The following TRDN variants were observed in gnomAD, a reference collection of about 807,000 sequenced individuals.
The protein encoded by TRDN is triadin, also known as triadin in skeletal muscle.
A neutral mutation model predicts 149.7 loss-of-function variants in TRDN; 161 were observed. The ratio of observed to expected loss-of-function variants is 1.08; its 90% CI spans 0.95 to 1.23. The LOEUF (loss-of-function observed/expected upper bound fraction) is 1.23. Among genes scored for constraint, TRDN ranks in the 50% most tolerant of loss-of-function variants. The probability of loss-of-function intolerance (pLI) is 0.00; values close to 1 mark genes in which losing one functional copy is unlikely to be tolerated. For synonymous variants in TRDN, 294 were observed against 250.5 expected, an observed-to-expected ratio of 1.17 and a Z score of -1.64; for missense variants, 896 against 823.5, an observed-to-expected ratio of 1.09 and a Z score of -1.08.
At chr6:123,604,895 AT>A (rs1784455297) in intron 1 of TRDN, among the ~76,000 whole-genome samples, 1 of 152,054 alleles carries the variant, frequency 6.6e-6, no homozygotes, top group Non-Finnish European at 1.5e-5. Context: ...GCTGGGGAAA[AT>A]TATGAATTTA....
intron 37 of TRDN, 30 bp downstream of exon 37, chr6:123,255,050 CA>C: frequency 8.3e-7 from 1 of 1,199,328 alleles, no homozygotes; most frequent in Non-Finnish European, 1.2e-6. Context: ...TGTTTTCATA[CA>C]AACATAGTAG....
intron 20 of TRDN, among the ~76,000 whole-genome samples, chr6:123,353,526 C>A (rs2114304107): frequency 6.6e-6 from 1 of 151,774 alleles, no homozygotes; most frequent in African/African-American, 2.4e-5. Flanking sequence ...CTTTCAGTTT[C>A]ATCAAATACA....
intron 9 of TRDN, among the ~76,000 whole-genome samples, chr6:123,491,913 A>G (rs989710103): frequency 2.6e-5 from 4 of 152,226 alleles, no homozygotes; most frequent in Non-Finnish European, 5.9e-5. Flanking sequence ...GAGCTCTGAA[A>G]TACATTAAAC....
At chr6:123,531,477 A>T (rs12213440) in intron 4 of TRDN, among the ~76,000 whole-genome samples, 49,295 of 151,872 alleles carry the variant, frequency 0.32, 8,267 homozygotes, top group Admixed American at 0.45. Context: ...AAGATCAACC[A>T]TGGCAACACC....
intron 9 of TRDN, among the ~76,000 whole-genome samples, chr6:123,493,274 A>T (rs1778300231): frequency 6.6e-6 from 1 of 152,156 alleles, no homozygotes; most frequent in Non-Finnish European, 1.5e-5. Context: ...AAATGAGCAG[A>T]TCTTTATAAT....
chr6:123,560,099 G>A (rs995692309), intron 2 of TRDN, among the ~76,000 whole-genome samples: 3 of 152,178 alleles, frequency 2.0e-5, no homozygotes, highest in African/African-American at 7.2e-5. Context: ...TACTGTTTTA[G>A]CCTAGCCCTT....
chr6:123,588,104 G>A (rs990469683), intron 1 of TRDN, among the ~76,000 whole-genome samples: 1 of 152,104 alleles, frequency 6.6e-6, no homozygotes. Flanking sequence ...CCCAAAAGGT[G>A]CTAGACTCTC....
At chr6:123,325,315 A>G (rs1448716069) in intron 23 of TRDN, among the ~76,000 whole-genome samples, 1 of 152,156 alleles carries the variant, frequency 6.6e-6, no homozygotes, top group Non-Finnish European at 1.5e-5. Context: ...GGGCAGAATT[A>G]AATCATGCTA....
chr6:123,221,562 T>G (rs1562216399), intron 39 of TRDN, 40 bp from the exon 40 acceptor site: 1 of 1,336,496 alleles, frequency 7.5e-7, no homozygotes, highest in East Asian at 2.5e-5. Context: ...ACTTGTACAT[T>G]TACAACTTTT....
At chr6:123,415,992 G>A (rs186373876) in intron 12 of TRDN, among the ~76,000 whole-genome samples, 2 of 152,176 alleles carry the variant, frequency 1.3e-5, no homozygotes, top group East Asian at 1.9e-4. Context: ...AATGTTTTTG[G>A]TTTTGCAAAT....
chr6:123,433,423 C>T (rs866868053), intron 12 of TRDN, among the ~76,000 whole-genome samples: 2 of 151,894 alleles, frequency 1.3e-5, no homozygotes, highest in Non-Finnish European at 2.9e-5. Flanking sequence ...AAACTGTAAG[C>T]TCCATTAGGG....
chr6:123,564,536 C>T (rs968318522), intron 2 of TRDN, among the ~76,000 whole-genome samples: 13 of 151,998 alleles, frequency 8.6e-5, no homozygotes, highest in African/African-American at 1.7e-4. Context: ...CTGGGCTAAG[C>T]GCCAAGAAAA....
At chr6:123,295,332 C>T (rs113629561) in intron 24 of TRDN, among the ~76,000 whole-genome samples, 100 of 152,292 alleles carry the variant, frequency 6.6e-4, no homozygotes, top group African/African-American at 2.4e-3. Context: ...TATGGACTAG[C>T]GCTGCTCTGC....
chr6:123,533,357 T>G (rs1312944853), intron 4 of TRDN, among the ~76,000 whole-genome samples: 2 of 152,038 alleles, frequency 1.3e-5, no homozygotes, highest in African/African-American at 4.8e-5. Context: ...CACGGGAGAA[T>G]AAGACGTGGG....
chr6:123,236,057 G>T (rs1252643801), intron 38 of TRDN, among the ~76,000 whole-genome samples: 1 of 152,136 alleles, frequency 6.6e-6, no homozygotes, highest in African/African-American at 2.4e-5. Flanking sequence ...GGAGTGAGAT[G>T]GTTGGGTCAC....
chr6:123,474,244 G>A (rs1427726101), intron 9 of TRDN, among the ~76,000 whole-genome samples: 3 of 152,010 alleles, frequency 2.0e-5, no homozygotes, highest in Admixed American at 2.0e-4. Flanking sequence ...AAGGATGGAG[G>A]AAGATCTACC....
At chr6:123,360,203 C>T (rs1780845498) in intron 20 of TRDN, among the ~76,000 whole-genome samples, 1 of 151,952 alleles carries the variant, frequency 6.6e-6, no homozygotes, top group East Asian at 1.9e-4. Flanking sequence ...AACATACAAG[C>T]CTGAAATTCA....
At chr6:123,479,302 A>G (rs940143692) in intron 9 of TRDN, among the ~76,000 whole-genome samples, 2 of 152,180 alleles carry the variant, frequency 1.3e-5, no homozygotes, top group African/African-American at 4.8e-5. Context: ...GTAGAACACT[A>G]ATCTTTCAAA....
At chr6:123,521,339 T>A (rs992691837) in intron 5 of TRDN, among the ~76,000 whole-genome samples, 1 of 152,096 alleles carries the variant, frequency 6.6e-6, no homozygotes, top group Admixed American at 6.6e-5. Flanking sequence ...CCTAATCCAA[T>A]AGGACTGATG....
Sources: allele counts gnomAD v4.1 joint callset (sites outside exome capture counted in the v4.1 genomes callset), GRCh38; gene constraint gnomAD v4.1.1; transcripts MANE v1.5; gene names NCBI Gene and HGNC (gene_info 2026-07-23, HGNC 2026-07-21).